The following NPSR1 variants were observed in gnomAD, a reference collection of about 807,000 sequenced individuals.
NPSR1 encodes the protein neuropeptide S receptor.
A neutral mutation model predicts 46.9 loss-of-function variants in NPSR1; 48 were observed. The observed-to-expected ratio is 1.02, with a 90% CI of 0.81 to 1.30. The LOEUF (loss-of-function observed/expected upper bound fraction) is 1.30. Among genes scored for constraint, NPSR1 ranks in the 50% most tolerant of loss-of-function variants. The probability of loss-of-function intolerance (pLI) is 0.00; values close to 1 mark genes in which losing one functional copy is unlikely to be tolerated. For synonymous variants in NPSR1, 176 were observed against 168.1 expected (o/e 1.05, Z -0.36); for missense variants, 450 against 449.5 (o/e 1.00, Z -0.01).
At position 34,663,240 on chromosome 7, in the gene NPSR1, C is replaced by T. The variant is rs556643232; in HGVS notation, c.147+4681C>T. Among the ~76,000 whole-genome samples the T allele has an allele frequency of 4.6e-5, 7 of 152,102 alleles. No homozygotes were observed. In the East Asian group the frequency reaches 5.8e-4, roughly 13 times the overall value. ...CTGGACTTTCATCTGGGTTCCCATC[C>T]GACCTGTGTCAGGCCCACATTGCTT... is the stretch of plus-strand genomic sequence containing the variant. On this transcript the variant is annotated intron_variant, in intron 1 of 8. Coordinates refer to ENST00000360581, the MANE Select transcript of NPSR1 (RefSeq NM_207172.2).
intron 1 of NPSR1, among the ~76,000 whole-genome samples, chr7:34,684,196 C>G (rs1792802018): frequency 6.6e-6 from 1 of 152,128 alleles, no homozygotes; most frequent in Non-Finnish European, 1.5e-5. Context: ...CTTAGCTACC[C>G]TATTATCTTT....
At chr7:34,690,193 C>G (rs1206622606) in intron 2 of NPSR1, among the ~76,000 whole-genome samples, 3 of 151,908 alleles carry the variant, frequency 2.0e-5, no homozygotes, top group Non-Finnish European at 2.9e-5. Context: ...GAACCAAATC[C>G]AAAGGACCTT....
At chr7:34,694,060 A>C (rs1793395258) in intron 2 of NPSR1, among the ~76,000 whole-genome samples, 1 of 152,176 alleles carries the variant, frequency 6.6e-6, no homozygotes, top group Admixed American at 6.5e-5. Context: ...ATGAGGAAAA[A>C]TTGAAAGCAT....
intron 2 of NPSR1, among the ~76,000 whole-genome samples, chr7:34,724,529 AG>A (rs1408777452): frequency 1.3e-5 from 2 of 152,250 alleles, no homozygotes; most frequent in African/African-American, 2.4e-5. Context: ...GGTGGGACGC[AG>A]GAAGATGGAT....
intron 1 of NPSR1, among the ~76,000 whole-genome samples, chr7:34,673,273 C>T (rs541236731): frequency 4.6e-5 from 7 of 152,192 alleles, no homozygotes; most frequent in Admixed American, 4.6e-4. Flanking sequence ...GTCTTCGCCT[C>T]CCTTTTATCC....
At chr7:34,710,905 G>A (rs1233437155) in intron 2 of NPSR1, 2 of 403,496 alleles carry the variant, frequency 5.0e-6, no homozygotes, top group African/African-American at 4.2e-5. Context: ...GAAGCTTATT[G>A]ATGAAAAAGT....
At chr7:34,695,067 TACA>T (rs1295539350) in intron 2 of NPSR1, among the ~76,000 whole-genome samples, 1 of 152,166 alleles carries the variant, frequency 6.6e-6, no homozygotes, top group Non-Finnish European at 1.5e-5. Flanking sequence ...CCTGACTTTA[TACA>T]ACAAGGCTGT....
intron 3 of NPSR1, among the ~76,000 whole-genome samples, chr7:34,789,464 T>C (rs984984926): frequency 1.3e-5 from 2 of 148,766 alleles, no homozygotes; most frequent in African/African-American, 2.4e-5. Context: ...ACTGATACCA[T>C]AGAAACAAAA....
chr7:34,841,734 T>C (rs2128762681), intron 6 of NPSR1, among the ~76,000 whole-genome samples: 1 of 152,316 alleles, frequency 6.6e-6, no homozygotes, highest in Non-Finnish European at 1.5e-5. Flanking sequence ...TGTCACCCAG[T>C]TGCCCTGTGG....
At chr7:34,690,263 G>A (rs1038446917) in intron 2 of NPSR1, among the ~76,000 whole-genome samples, 1 of 148,068 alleles carries the variant, frequency 6.8e-6, no homozygotes, top group African/African-American at 2.5e-5. Flanking sequence ...CCAAATAAAA[G>A]CAAATTTAAA....
chr7:34,803,224 C>A (rs1417887227), intron 3 of NPSR1, among the ~76,000 whole-genome samples: 1 of 151,868 alleles, frequency 6.6e-6, no homozygotes, highest in Non-Finnish European at 1.5e-5. Context: ...TGGGTATTTA[C>A]CCAAAGGACT....
intron 2 of NPSR1, among the ~76,000 whole-genome samples, chr7:34,742,681 T>C (rs1008961557): frequency 2.0e-5 from 3 of 152,186 alleles, no homozygotes; most frequent in Non-Finnish European, 4.4e-5. Context: ...TGGGTATATA[T>C]CCAGTAATGG....
chr7:34,871,161 G>A (rs753121535), intron 8 of NPSR1, among the ~76,000 whole-genome samples: 7 of 151,850 alleles, frequency 4.6e-5, no homozygotes, highest in Non-Finnish European at 1.0e-4. Flanking sequence ...ATCTGCTTCT[G>A]CTGAGGGCCT....
chr7:34,774,918 C>T (rs1264640971), intron 2 of NPSR1, among the ~76,000 whole-genome samples: 1 of 152,140 alleles, frequency 6.6e-6, no homozygotes, highest in African/African-American at 2.4e-5. Context: ...GTATCTTGCT[C>T]TATTTATTGA....
intron 5 of NPSR1, among the ~76,000 whole-genome samples, chr7:34,831,876 A>C (rs563118837): frequency 7.2e-5 from 11 of 152,314 alleles, no homozygotes; most frequent in African/African-American, 2.6e-4. Flanking sequence ...AAAGCACATT[A>C]GTCATGGATC....
At chr7:34,858,587 GAA>G (rs1791108895) in intron 8 of NPSR1, among the ~76,000 whole-genome samples, 1 of 151,818 alleles carries the variant, frequency 6.6e-6, no homozygotes, top group South Asian at 2.1e-4. Context: ...ATTTACAAAA[GAA>G]AGAGGTTTAT....
At chr7:34,682,921 TG>T (rs1308712880) in intron 1 of NPSR1, among the ~76,000 whole-genome samples, 2 of 152,186 alleles carry the variant, frequency 1.3e-5, no homozygotes, top group Non-Finnish European at 2.9e-5. Context: ...ATATGTATGC[TG>T]GACACGATAT....
chr7:34,865,699 CACT>C (rs1463631900), intron 8 of NPSR1, among the ~76,000 whole-genome samples: 1 of 151,710 alleles, frequency 6.6e-6, no homozygotes, highest in East Asian at 1.9e-4. Context: ...GACAGAGGGG[CACT>C]ACATTTCTCT....
At chr7:34,715,257 C>T (rs1161921751) in intron 2 of NPSR1, among the ~76,000 whole-genome samples, 1 of 152,208 alleles carries the variant, frequency 6.6e-6, no homozygotes, top group African/African-American at 2.4e-5. Flanking sequence ...GCTATGCTAT[C>T]CCAAGCCAGC....
Sources: gnomAD v4.1 joint callset for allele counts (sites outside exome capture counted in the v4.1 genomes callset) on GRCh38, gnomAD v4.1.1 for gene constraint, MANE v1.5 for transcripts, NCBI Gene and HGNC (gene_info 2026-07-23, HGNC 2026-07-21) for gene names.